Variants in SIGLEC1 observed in about 807,000 individuals in gnomAD.
SIGLEC1 encodes the protein sialic acid binding Ig like lectin 1, also known as sialoadhesin.
A neutral mutation model predicts 148.0 loss-of-function variants in SIGLEC1; 132 were observed. The observed-to-expected ratio is 0.89, with a 90% CI of 0.77 to 1.03. The LOEUF is 1.03. Ranked by LOEUF, SIGLEC1 falls within the 50% of genes least tolerant of loss-of-function variation. The pLI, the probability that SIGLEC1 is intolerant of heterozygous loss-of-function variation, is 0.00. For synonymous variants in SIGLEC1, 945 were observed against 969.0 expected (o/e 0.98, Z 0.46); for missense variants, 2,253 against 2,271.4 (o/e 0.99, Z 0.16).
rs2088785282 is a variant in SIGLEC1, at chr20:3,693,359, T to C, written c.3508+88A>G. On this transcript the variant is annotated intron_variant, in intron 14 of 21. Coordinates refer to ENST00000344754, the MANE Select transcript of SIGLEC1 (RefSeq NM_023068.4). ...AGCTACTGGGTACCGAGTTCCCCAC[T>C]GGACACCTGTCGGGTTCCGGCCATG... is the stretch of plus-strand genomic sequence containing the variant. The C allele has an allele frequency of 1.3e-5, 18 of 1,434,696 alleles. No homozygotes were observed. The South Asian group carries it at 2.4e-4, about 19-fold the overall frequency. The allele number at this position is 1,434,696 out of a possible 1,614,324, so 88.9% of individuals were successfully genotyped here. A position where few individuals can be genotyped will look rare whatever the true frequency, so the allele number is the denominator to read the frequency against.
rs1008958861 is a variant in SIGLEC1, at chr20:3,693,652, C to G, written c.3303G>C (p.Gln1101His). Reference sequence around the variant, plus strand: ...ACACAAGGCAGGTCAGGTTCACCAGCTGCCCCTCCCGCACGGTAGCCCCGG... The same window carrying G: ...ACACAAGGCAGGTCAGGTTCACCAGGTGCCCCTCCCGCACGGTAGCCCCGG... Reference protein sequence around the residue: ...VWPGATVREGQLVNLTCLVWT... With the variant: ...VWPGATVREGHLVNLTCLVWT... Residue 1101 changes from glutamine to histidine, a missense_variant, in exon 14 of 22, where the codon CAG (glutamine) becomes CAC (histidine). Coordinates refer to ENST00000344754, the MANE Select transcript of SIGLEC1 (RefSeq NM_023068.4). The G allele has an allele frequency of 1.2e-6, 2 of 1,608,552 alleles. No homozygotes were observed. Among genetic ancestry groups the G allele is most frequent in the Non-Finnish European group, 1.7e-6 (2 of 1,177,398 alleles).
chr20:3,690,219 C>T lies in SIGLEC1; in HGVS notation c.4637G>A (p.Gly1546Asp). ...GCAATCCAGGATGCCCCGGAGGCCACCCTCAGGCTCCACGAAGACCATCAT... is the reference window on the plus strand; with the variant it reads ...GCAATCCAGGATGCCCCGGAGGCCATCCTCAGGCTCCACGAAGACCATCAT... ...PTMMVFVEPE[G>D]GLRGILDCRV... The change falls in exon 19 of 22, where the codon GGT (glycine) becomes GAT (aspartate). Residue 1546 changes from glycine to aspartate, a missense_variant. Coordinates refer to ENST00000344754, the MANE Select transcript of SIGLEC1 (RefSeq NM_023068.4). 5 of 1,554,114 alleles carry T rather than the reference C, an allele frequency of 3.2e-6. No homozygotes were observed. The highest frequency in any genetic ancestry group is 4.4e-6 in the Non-Finnish European group (5 of 1,149,266).
At position 3,693,545 on chromosome 20, in the gene SIGLEC1, G is replaced by C; in HGVS notation, c.3410C>G (p.Pro1137Arg). The change falls in exon 14 of 22, where the codon CCC (proline) becomes CGC (arginine). Residue 1137 changes from proline to arginine, a missense_variant. Transcript: ENST00000344754. ...QRLDAHSIPL[P>R]NVTVRDATSY... ...GGTGGCATCCCTGACTGTGACGTTGGGCAGGGGGATGGAGTGGGCATCCAG... is the reference window on the plus strand; with the variant it reads ...GGTGGCATCCCTGACTGTGACGTTGCGCAGGGGGATGGAGTGGGCATCCAG... 6.2e-7 allele frequency: 1 copy of C among 1,612,636 alleles called. No individual in the cohort carries two copies.
chr20:3,691,301 T>C (rs756935177), intron 18 of SIGLEC1, 39 bp downstream of exon 18: 10 of 1,607,876 alleles, frequency 6.2e-6, no homozygotes, highest in Non-Finnish European at 7.7e-6. Context: ...GCGTGTGAGA[T>C]GTGGGGAGAC....
Position 3,694,188 on chromosome 20 carries a change from C to T in SIGLEC1, c.3256+33G>A, listed in dbSNP as rs770790900. The T allele has an allele frequency of 2.7e-5, 42 of 1,534,984 alleles. No homozygotes were observed. The African/African-American group carries it at 5.8e-4, about 21-fold the overall frequency. ...CTCTTTTAAAGGACACACACACACA[C>T]ACACACACACACACACACACACACA... On this transcript the variant is annotated intron_variant, in intron 13 of 21. Coordinates refer to ENST00000344754, the MANE Select transcript of SIGLEC1 (RefSeq NM_023068.4).
At chr20:3,697,716 G>C (rs1323269822) in intron 9 of SIGLEC1, 82 bp downstream of exon 9, 2 of 1,342,300 alleles carry the variant, frequency 1.5e-6, no homozygotes, top group East Asian at 2.4e-5. Context: ...GAGTGGTTTT[G>C]CCTGATTAGA....
rs752645220 is a variant in SIGLEC1 at position 3,697,272 on chromosome 20, C to T, written c.2193G>A (p.Val731=). 4.8e-5 allele frequency: 78 copies of T among 1,614,036 alleles called. 1 individual carries two copies. In the South Asian group the frequency reaches 8.0e-4, roughly 17 times the overall value. ...CAGGGCTGCCAGCAGCTTCCCGGCT[C>T]ACGTTGCAAGTCAAGTTGGCTTCTG... ...EGTEANLTCN[V]SREAAGSPAN... Residue 731 remains valine, a synonymous_variant, in exon 10 of 22, where the codon GTG becomes GTA. Coordinates refer to ENST00000344754, the MANE Select transcript of SIGLEC1 (RefSeq NM_023068.4).
At position 3,692,691 on chromosome 20, in the gene SIGLEC1, T is replaced by C. The variant is rs2088777232; in HGVS notation, c.3860A>G (p.His1287Arg). The part of the protein sequence containing the change: ...ITVTCADPAA[H>R]APTLYTWYHN... ...GTACCAAGTATAGAGTGTGGGTGCG[T>C]GGGCAGCAGGGTCCGCACAGGTCAC... The change falls in exon 16 of 22, where the codon CAC (histidine) becomes CGC (arginine). Residue 1287 changes from histidine to arginine, a missense_variant. His to Arg is a conservative substitution (Grantham distance 29, BLOSUM62 0). Transcript: ENST00000344754. 1 of 1,613,024 alleles carries C rather than the reference T, an allele frequency of 6.2e-7. No homozygotes were observed. The highest frequency in any genetic ancestry group is 1.3e-5 in the African/African-American group (1 of 75,048).
At chr20:3,699,094 CT>C (rs894519859) in intron 8 of SIGLEC1, 107 bp downstream of exon 8, 77 of 1,336,124 alleles carry the variant, frequency 5.8e-5, no homozygotes, top group Non-Finnish European at 7.2e-6. Flanking sequence ...TGACCCAGCC[CT>C]CCCGATATAG....
Position 3,701,511 on chromosome 20 carries a change from G to T in SIGLEC1, c.1359C>A (p.Ala453=), listed in dbSNP as rs750774451. ...LVLSHGGHIL[A]STSGDSDHSP... ...TGTGATCACTGTCCCCGGAGGTGGA[G>T]GCCAGGATATGACCCCCATGTGACA... Residue 453 remains alanine (A), a synonymous_variant, in exon 7 of 22, where the codon GCC becomes GCA. Coordinates refer to ENST00000344754, the MANE Select transcript of SIGLEC1 (RefSeq NM_023068.4). 5.6e-6 allele frequency: 9 copies of T among 1,614,056 alleles called. No individual in the cohort carries two copies. In the East Asian group the frequency reaches 1.8e-4, roughly 32 times the overall value.
rs767778517 is a variant in SIGLEC1 at position 3,699,345 on chromosome 20, T to C, written c.1643A>G (p.Asn548Ser). Residue 548 changes from asparagine (N) to serine (S), a missense_variant, in exon 8 of 22, where the codon AAT (asparagine) becomes AGT (serine). Physicochemically the swap from Asn to Ser is conservative, Grantham distance 46 (BLOSUM62 1). Coordinates refer to ENST00000344754, the MANE Select transcript of SIGLEC1 (RefSeq NM_023068.4). ...GGGACCCTCGTGAAGCAGGGCTCCA[T>C]TCAGGTACCAGGAGAAGCGGGCATC... Reference protein sequence around the residue: ...TPDARFSWYLNGALLHEGPGS... With the variant: ...TPDARFSWYLSGALLHEGPGS... 7.5e-6 allele frequency: 12 copies of C among 1,609,094 alleles called. No homozygotes were observed. The highest frequency in any genetic ancestry group is 9.3e-6 in the Non-Finnish European group (11 of 1,178,534).
intron 7 of SIGLEC1, among the ~76,000 whole-genome samples, chr20:3,700,773 C>T (rs4813635): frequency 0.66 from 98,622 of 148,792 alleles, 33,254 homozygotes; most frequent in African/African-American, 0.76. Flanking sequence ...CTATCTTGGC[C>T]CACTACAACT....
rs1226499684 is a variant in SIGLEC1, at chr20:3,691,900, C to T, written c.4330+3G>A. On this transcript the variant is annotated splice_donor_region_variant and intron_variant, in intron 17 of 21. Coordinates refer to ENST00000344754, the MANE Select transcript of SIGLEC1 (RefSeq NM_023068.4). ...CCCTCCTCCTCCCCTCTCTTCCACT[C>T]ACCTTCTACCTGCAACCGCCCGATG... is the stretch of plus-strand genomic sequence containing the variant. The T allele has an allele frequency of 6.4e-7, 1 of 1,564,222 alleles. No homozygotes were observed. Among genetic ancestry groups the T allele is most frequent in the African/African-American group, 1.3e-5 (1 of 74,234 alleles).
intron 1 of SIGLEC1, among the ~76,000 whole-genome samples, chr20:3,708,213 T>C (rs944922873): frequency 6.6e-6 from 1 of 152,084 alleles, no homozygotes; most frequent in Non-Finnish European, 1.5e-5. Flanking sequence ...CCCACAAATA[T>C]GAGCTCAATG....
rs370685594 is a variant in SIGLEC1, at chr20:3,698,032, G to C, written c.1888C>G (p.Pro630Ala). The change falls in exon 9 of 22, where the codon CCC becomes GCC. Residue 630 changes from proline (P) to alanine (A), a missense_variant. Pro to Ala is a conservative substitution (Grantham distance 27). Transcript: ENST00000344754. ...GLLLCRVDSD[P>A]PARLQLLHKD... ...TGGAGCAGCTGCAGCCTGGCGGGGG[G>C]GTCGCTGTCCACACGGCACAAAAGG... 185 of 1,609,088 alleles carry C rather than the reference G, an allele frequency of 1.1e-4. No individual in the cohort carries two copies. Among genetic ancestry groups the C allele is most frequent in the Middle Eastern group, 1.7e-4 (1 of 5,854 alleles).
At chr20:3,711,483 G>A (rs749826786) in intron 1 of SIGLEC1, among the ~76,000 whole-genome samples, 11 of 152,260 alleles carry the variant, frequency 7.2e-5, no homozygotes, top group Middle Eastern at 3.4e-3. Flanking sequence ...AGCTAGGCCC[G>A]GGTGTAGGAT....
At chr20:3,689,277 GC>G in intron 20 of SIGLEC1, 50 bp from the exon 21 acceptor site, 1 of 1,500,824 alleles carries the variant, frequency 6.7e-7, no homozygotes, top group Non-Finnish European at 9.3e-7. Context: ...CCCACCTCCT[GC>G]CCCCATTCCT....
Position 3,694,320 on chromosome 20 carries a change from C to G in SIGLEC1, c.3157G>C (p.Glu1053Gln), listed in dbSNP as rs1231557118. Residue 1053 changes from glutamate to glutamine, a missense_variant, in exon 13 of 22, where the codon GAG becomes CAG. Glu to Gln is a conservative substitution (Grantham distance 29). Coordinates refer to ENST00000344754, the MANE Select transcript of SIGLEC1 (RefSeq NM_023068.4). ...TCCTCCAGCATAGCCCCGTGGATCT[C>G]CAGACGCAGTGTGTTGGGGGCCACA... ...VAVAPNTLRL[E>Q]IHGAMLEDEG... The G allele has an allele frequency of 1.2e-6, 2 of 1,613,072 alleles. No homozygotes were observed. Among genetic ancestry groups the G allele is most frequent in the Non-Finnish European group, 1.7e-6 (2 of 1,180,032 alleles).
At chr20:3,689,076 A>G in intron 21 of SIGLEC1, 79 bp downstream of exon 21, 2 of 1,250,038 alleles carry the variant, frequency 1.6e-6, no homozygotes, top group Non-Finnish European at 2.4e-6. Context: ...CATCCTCTAA[A>G]TGACAGCAGT....
Sources: allele counts gnomAD v4.1 joint callset (sites outside exome capture counted in the v4.1 genomes callset), GRCh38; gene constraint gnomAD v4.1.1; transcripts MANE v1.5; gene names NCBI Gene and HGNC (gene_info 2026-07-23, HGNC 2026-07-21).